The following FBXW11 variants were observed in gnomAD, a reference collection of about 807,000 sequenced individuals.
FBXW11 encodes the protein F-box/WD repeat-containing protein 11.
A neutral mutation model predicts 77.6 loss-of-function variants in FBXW11; 19 were observed. The observed-to-expected ratio is 0.24, with a 90% CI of 0.17 to 0.36. The LOEUF is 0.36. Ranked by LOEUF, FBXW11 falls within the 10% of genes least tolerant of loss-of-function variation. The probability of loss-of-function intolerance (pLI) is 1.00; values close to 1 mark genes in which losing one functional copy is unlikely to be tolerated. For synonymous variants in FBXW11, 235 were observed against 249.4 expected (o/e 0.94, Z 0.54); for missense variants, 334 against 704.2 (o/e 0.47, Z 5.95).
chr5:171,937,594 G>A (rs1249597092), intron 2 of FBXW11, among the ~76,000 whole-genome samples: 1 of 151,998 alleles, frequency 6.6e-6, no homozygotes, highest in African/African-American at 2.4e-5. Context: ...CCAGCATTTT[G>A]GGAGGCCAAA....
At chr5:171,966,898 T>C (rs1046493176) in intron 1 of FBXW11, among the ~76,000 whole-genome samples, 4 of 152,212 alleles carry the variant, frequency 2.6e-5, no homozygotes, top group Admixed American at 2.6e-4. Flanking sequence ...ATACCACCTC[T>C]GGCCAAACAA....
At chr5:171,894,597 G>C (rs552879626) in intron 6 of FBXW11, among the ~76,000 whole-genome samples, 1 of 151,880 alleles carries the variant, frequency 6.6e-6, no homozygotes, top group East Asian at 1.9e-4. Context: ...GCACAAGAAA[G>C]CAGCACTTCC....
At chr5:171,874,603 T>C (rs1280069241) in intron 9 of FBXW11, among the ~76,000 whole-genome samples, 1 of 151,914 alleles carries the variant, frequency 6.6e-6, no homozygotes, top group African/African-American at 2.4e-5. Flanking sequence ...CCAGTGCTGG[T>C]TATGAAAAGG....
At chr5:171,964,976 G>A (rs1476155203) in intron 1 of FBXW11, among the ~76,000 whole-genome samples, 2 of 152,042 alleles carry the variant, frequency 1.3e-5, no homozygotes, top group African/African-American at 4.8e-5. Context: ...ATATCACAGG[G>A]TATATTCAGG....
At chr5:171,999,233 A>G (rs1405241664) in intron 1 of FBXW11, among the ~76,000 whole-genome samples, 1 of 152,178 alleles carries the variant, frequency 6.6e-6, no homozygotes, top group African/African-American at 2.4e-5. Context: ...CTGCTAAAAC[A>G]GTATACTATG....
chr5:171,878,127 T>C lies in FBXW11; in HGVS notation c.855A>G (p.Ile285Met), dbSNP rs1427080708. Reference protein sequence around the residue: ...ISGLRDNSIKIWDKTSLECLK... With the variant: ...ISGLRDNSIKMWDKTSLECLK... The stretch of plus-strand genomic sequence containing the variant: ...AACATTCCAGGCTGGTTTTATCCCA[T>C]ATCTATTGAGACAAGATTAGCCACA... Residue 285 changes from isoleucine to methionine, a missense_variant and splice_region_variant, in exon 8 of 14, where the codon ATA becomes ATG. Transcript: ENST00000517395. 1.9e-6 allele frequency: 3 copies of C among 1,608,774 alleles called. No individual in the cohort carries two copies. The Admixed American group carries it at 5.0e-5, about 27-fold the overall frequency.
chr5:171,917,558 G>T (rs923869821), intron 2 of FBXW11, among the ~76,000 whole-genome samples: 2 of 152,150 alleles, frequency 1.3e-5, no homozygotes, highest in Non-Finnish European at 2.9e-5. Context: ...GGCTGCAATA[G>T]TTCTCCCATC....
rs536107741 is a variant in FBXW11 at position 171,883,569 on chromosome 5, T to C, written c.853-5440A>G. Among the ~76,000 whole-genome samples the C allele has an allele frequency of 3.3e-5, 5 of 152,350 alleles. No homozygotes were observed. The South Asian group carries it at 1.0e-3, about 32-fold the overall frequency. On this transcript the variant is annotated intron_variant, in intron 7 of 13. Transcript: ENST00000517395. ...AAAGAAATCTCCACATTGTTTTCCA[T>C]AGCAGCTGTACTAGTTTACATTCCC...
At chr5:171,903,636 T>A (rs1283754193) in intron 4 of FBXW11, among the ~76,000 whole-genome samples, 2 of 152,054 alleles carry the variant, frequency 1.3e-5, no homozygotes, top group African/African-American at 4.8e-5. Context: ...CTTTTCTGAT[T>A]TCTACACTTA....
intron 2 of FBXW11, among the ~76,000 whole-genome samples, chr5:171,954,844 A>T (rs1308703884): frequency 6.6e-6 from 1 of 152,220 alleles, no homozygotes; most frequent in Non-Finnish European, 1.5e-5. Context: ...AGGTGTCAAT[A>T]GTGAGGTTTC....
chr5:171,986,607 G>A (rs1219218005), intron 1 of FBXW11, among the ~76,000 whole-genome samples: 2 of 151,872 alleles, frequency 1.3e-5, no homozygotes, highest in Non-Finnish European at 2.9e-5. Flanking sequence ...TGCGCCTGTA[G>A]TCCCAGCTAC....
intron 4 of FBXW11, among the ~76,000 whole-genome samples, chr5:171,905,154 T>A (rs557500668): frequency 4.4e-4 from 67 of 152,354 alleles, no homozygotes; most frequent in African/African-American, 1.5e-3. Flanking sequence ...TGAGGCAGCA[T>A]GTTTTAGTCT....
chr5:171,903,526 C>T (rs1046089535), intron 4 of FBXW11, among the ~76,000 whole-genome samples: 1 of 152,130 alleles, frequency 6.6e-6, no homozygotes, highest in South Asian at 2.1e-4. Flanking sequence ...CTGCAGAATC[C>T]GTCAGCCTTC....
At chr5:171,867,964 A>G (rs1191996272) in intron 13 of FBXW11, 2 of 152,208 alleles carry the variant, frequency 1.3e-5, no homozygotes, top group African/African-American at 2.4e-5. Context: ...GCCAAGTAAG[A>G]CTTCTCATCT....
intron 7 of FBXW11, among the ~76,000 whole-genome samples, chr5:171,881,447 T>C (rs369488808): frequency 2.6e-4 from 39 of 152,358 alleles, no homozygotes; most frequent in African/African-American, 8.7e-4. Flanking sequence ...TCAAACGCCC[T>C]TTCTGCATCT....
rs112202076 is a variant in FBXW11, at chr5:171,879,970, G to A, written c.853-1841C>T. On this transcript the variant is annotated intron_variant, in intron 7 of 13. Coordinates refer to ENST00000517395, the MANE Select transcript of FBXW11 (RefSeq NM_001378974.1). ...AGCTCATTAATTCTTTCTTTCATGG[G>A]TCATGGCTTTGGTATTATATCTAAA... 6.6e-3 allele frequency among the ~76,000 whole-genome samples: 1,009 copies of A among 152,096 alleles called. 14 individuals are homozygous for A. Among genetic ancestry groups the A allele is most frequent in the African/African-American group, 0.023 (959 of 41,486 alleles).
chr5:171,916,141 T>C (rs1449962957), intron 2 of FBXW11, among the ~76,000 whole-genome samples: 1 of 150,212 alleles, frequency 6.7e-6, no homozygotes, highest in African/African-American at 2.5e-5. Flanking sequence ...CTAATGTAAA[T>C]GACGAGTTAA....
chr5:171,881,944 A>C (rs1189646252), intron 7 of FBXW11, among the ~76,000 whole-genome samples: 7 of 152,196 alleles, frequency 4.6e-5, no homozygotes, highest in Non-Finnish European at 1.0e-4. Context: ...AATATTAGGA[A>C]TCTGAGTGCT....
chr5:171,879,605 G>A (rs981180401), intron 7 of FBXW11, among the ~76,000 whole-genome samples: 1 of 152,204 alleles, frequency 6.6e-6, no homozygotes, highest in Non-Finnish European at 1.5e-5. Context: ...ATTCTCACCA[G>A]CATTGGGTGT....
Sources: allele counts gnomAD v4.1 joint callset (sites outside exome capture counted in the v4.1 genomes callset), GRCh38; gene constraint gnomAD v4.1.1; transcripts MANE v1.5; gene names NCBI Gene and HGNC (gene_info 2026-07-23, HGNC 2026-07-21).